The following LYST variants were observed in gnomAD, a reference collection of about 807,000 sequenced individuals.
LYST encodes the protein lysosomal-trafficking regulator.
In LYST, 192 loss-of-function variants were observed where a neutral mutation model predicts 413.6. The ratio of observed to expected loss-of-function variants is 0.46; its 90% confidence interval spans 0.41 to 0.52. The LOEUF is 0.52. Among genes scored for constraint, LYST ranks in the 20% least tolerant of loss-of-function variants. The pLI is 0.00. For missense variants in LYST, 3,815 were observed against 4,499.9 expected, an observed-to-expected ratio of 0.85 and a Z score of 4.35; for synonymous variants, 1,525 against 1,567.3, an observed-to-expected ratio of 0.97 and a Z score of 0.64.
intron 1 of LYST, among the ~76,000 whole-genome samples, chr1:235,876,577 T>C (rs9782955): frequency 0.82 from 124,703 of 152,260 alleles, 51,562 homozygotes; most frequent in African/African-American, 0.95. Context: ...AGCTTATTAT[T>C]ATACTTGGGG....
At chr1:235,718,798 T>C (rs1663076403) in intron 40 of LYST, among the ~76,000 whole-genome samples, 1 of 152,238 alleles carries the variant, frequency 6.6e-6, no homozygotes, top group Non-Finnish European at 1.5e-5. Flanking sequence ...GTTCCTTTAA[T>C]TGCCAAATTT....
At chr1:235,849,082 C>T (rs909634057) in intron 1 of LYST, among the ~76,000 whole-genome samples, 44 of 152,052 alleles carry the variant, frequency 2.9e-4, no homozygotes, top group African/African-American at 1.0e-3. Context: ...AACTACAGAA[C>T]GATATCCTTG....
At chr1:235,750,696 T>A (rs1558187462) in intron 28 of LYST, among the ~76,000 whole-genome samples, 1 of 152,126 alleles carries the variant, frequency 6.6e-6, no homozygotes, top group Admixed American at 6.6e-5. Context: ...TATTATTTGA[T>A]GACATTCTTC....
chr1:235,715,464 C>T (rs986667742), intron 41 of LYST, 107 bp from the exon 42 acceptor site: 2 of 1,032,574 alleles, frequency 1.9e-6, no homozygotes, highest in Admixed American at 2.0e-5. Context: ...CCCTTTGAGG[C>T]CATTCTCCAT....
intron 28 of LYST, among the ~76,000 whole-genome samples, chr1:235,748,939 G>A (rs1201250028): frequency 6.6e-6 from 1 of 152,144 alleles, no homozygotes; most frequent in Non-Finnish European, 1.5e-5. Flanking sequence ...AAGGGTAGTG[G>A]CAGTGGGGCT....
chr1:235,727,399 C>T (rs980271823), intron 38 of LYST, among the ~76,000 whole-genome samples: 1 of 152,052 alleles, frequency 6.6e-6, no homozygotes, highest in Admixed American at 6.5e-5. Context: ...GCTGGGATTA[C>T]AGGCGTGAGC....
intron 19 of LYST, among the ~76,000 whole-genome samples, chr1:235,773,311 C>T (rs548279228): frequency 1.3e-5 from 2 of 150,392 alleles, no homozygotes; most frequent in East Asian, 3.9e-4. Context: ...GAGTAAAACT[C>T]CATTTCAAAA....
chr1:235,745,053 G>A (rs1211860254), intron 29 of LYST, among the ~76,000 whole-genome samples: 2 of 151,714 alleles, frequency 1.3e-5, no homozygotes, highest in Non-Finnish European at 2.9e-5. Context: ...ATTCCATTTT[G>A]ACTTATCTAT....
At chr1:235,805,588 TATATA>T (rs1222682330) in intron 6 of LYST, among the ~76,000 whole-genome samples, 150 bp downstream of exon 6, 3 of 148,310 alleles carry the variant, frequency 2.0e-5, no homozygotes, top group African/African-American at 7.5e-5. Flanking sequence ...TATATACACA[TATATA>T]AAAGTAATAT....
intron 26 of LYST, 61 bp from the exon 27 acceptor site, chr1:235,752,232 A>G: frequency 4.8e-6 from 6 of 1,246,352 alleles, no homozygotes; most frequent in African/African-American, 1.5e-5. Flanking sequence ...AAATAATTTA[A>G]GACACAGCTA....
rs1230863984 is a variant in LYST, at chr1:235,773,826, A to G, written c.5784+16T>C. 1.9e-6 allele frequency: 3 copies of G among 1,607,012 alleles called. No homozygotes were observed. Among genetic ancestry groups the G allele is most frequent in the Admixed American group, 1.7e-5 (1 of 59,908 alleles). ...TTACCACAATAAAAAATGGAAAAAA[A>G]GTACATATTACATGCCTCTGCTTTA... On this transcript the variant is annotated intron_variant, in intron 19 of 52. Transcript: ENST00000389793.
rs576080925 is a variant in LYST, at chr1:235,806,298, G to A, written c.2838C>T (p.Leu946=). Residue 946 remains leucine, a synonymous_variant, in exon 6 of 53, where the codon CTC becomes CTT. Coordinates refer to ENST00000389793, the MANE Select transcript of LYST (RefSeq NM_000081.4). The stretch of plus-strand genomic sequence containing the variant: ...CAGGAGAAGGCAAGACAAGGCTCTC[G>A]AGAGATATACATGGCAGCATATGAC... ...PLSHMLPCIS[L]ESLVLPSPEH... The A allele has an allele frequency of 1.7e-5, 28 of 1,613,984 alleles. No individual in the cohort carries two copies. The highest frequency in any genetic ancestry group is 1.0e-4 in the Admixed American group (6 of 59,992).
chr1:235,698,729 T>C (rs1661301282), intron 45 of LYST, among the ~76,000 whole-genome samples: 1 of 151,970 alleles, frequency 6.6e-6, no homozygotes, highest in Non-Finnish European at 1.5e-5. Flanking sequence ...AAAATTTAAC[T>C]GGGCGTGGTG....
intron 3 of LYST, among the ~76,000 whole-genome samples, chr1:235,822,272 T>G (rs1674828353): frequency 6.6e-6 from 1 of 152,088 alleles, no homozygotes; most frequent in Non-Finnish European, 1.5e-5. Flanking sequence ...AAACATGGAT[T>G]AGGGAACCAC....
At chr1:235,792,161 C>G in intron 11 of LYST, 36 bp from the exon 12 acceptor site, 2 of 1,355,868 alleles carry the variant, frequency 1.5e-6, no homozygotes, top group African/African-American at 1.4e-5. Flanking sequence ...ACTTTCTAAT[C>G]ACGTAATAAA....
chr1:235,871,921 C>A (rs1335526547), intron 1 of LYST, among the ~76,000 whole-genome samples: 1 of 152,166 alleles, frequency 6.6e-6, no homozygotes, highest in Non-Finnish European at 1.5e-5. Flanking sequence ...CCTCAACCCT[C>A]CCAGGGTTCC....
At chr1:235,782,821 A>C (rs914190893) in intron 14 of LYST, among the ~76,000 whole-genome samples, 2 of 152,202 alleles carry the variant, frequency 1.3e-5, no homozygotes, top group Non-Finnish European at 2.9e-5. Context: ...TTTGAAAACT[A>C]ATCAGTAAAA....
At chr1:235,814,883 C>T (rs1043285593) in intron 3 of LYST, among the ~76,000 whole-genome samples, 1 of 152,188 alleles carries the variant, frequency 6.6e-6, no homozygotes, top group Non-Finnish European at 1.5e-5. Flanking sequence ...CTCTGCCACA[C>T]ATGAGCCCTC....
At chr1:235,819,559 T>C (rs1353671936) in intron 3 of LYST, among the ~76,000 whole-genome samples, 1 of 152,208 alleles carries the variant, frequency 6.6e-6, no homozygotes, top group African/African-American at 2.4e-5. Context: ...TTAGACAATA[T>C]ATGCCATGAA....
Sources: allele counts gnomAD v4.1 joint callset (sites outside exome capture counted in the v4.1 genomes callset), GRCh38; gene constraint gnomAD v4.1.1; transcripts MANE v1.5; gene names NCBI Gene and HGNC (gene_info 2026-07-23, HGNC 2026-07-21).